Variants in PRCP observed in about 807,000 individuals in gnomAD.
The protein encoded by PRCP is prolylcarboxypeptidase, also known as lysosomal Pro-X carboxypeptidase.
PRCP carries 46 observed loss-of-function variants against 54.2 expected under a neutral mutation model. The observed-to-expected ratio is 0.85, with a 90% CI of 0.67 to 1.09. The LOEUF is 1.09. Among genes scored for constraint, PRCP ranks in the 50% least tolerant of loss-of-function variants. The probability of loss-of-function intolerance (pLI) is 0.00; values close to 1 mark genes in which losing one functional copy is unlikely to be tolerated. For synonymous variants in PRCP, 240 were observed against 212.2 expected, an observed-to-expected ratio of 1.13 and a Z score of -1.14; for missense variants, 613 against 596.8, an observed-to-expected ratio of 1.03 and a Z score of -0.28.
At chr11:82,849,640 T>C (rs1858897869) in intron 5 of PRCP, among the ~76,000 whole-genome samples, 1 of 152,180 alleles carries the variant, frequency 6.6e-6, no homozygotes. Context: ...GAGGATGTTT[T>C]TGCTGGGTAG....
chr11:82,843,342 G>C (rs1246431703), intron 6 of PRCP: 1 of 150,528 alleles, frequency 6.6e-6, no homozygotes, highest in Admixed American at 6.6e-5. Flanking sequence ...TTTAAAAGGA[G>C]ATATTCACAT....
At chr11:82,882,803 T>C (rs1024195777) in intron 1 of PRCP, among the ~76,000 whole-genome samples, 11 of 151,910 alleles carry the variant, frequency 7.2e-5, no homozygotes, top group African/African-American at 2.2e-4. Flanking sequence ...CCGAGCCAGT[T>C]CTTAAAATAC....
Position 82,853,278 on chromosome 11 carries a change from C to T in PRCP, c.310G>A (p.Gly104Arg), listed in dbSNP as rs1228592578. ...TCCTCAGCCACATCCCACATGAACC[C>T]CTAAGAAGAGTTTACAAAATCACAG... ...GDIIWFCNNT[G>R]FMWDVAEELK... is the part of the protein sequence containing the mutation. The change falls in exon 3 of 9, where the codon GGG (glycine) becomes AGG (arginine). Residue 104 changes from glycine to arginine, a missense_variant and splice_region_variant. By Grantham distance (125) the Gly-to-Arg change is moderately radical. Transcript: ENST00000313010. 2 of 1,599,066 alleles carry T rather than the reference C, an allele frequency of 1.3e-6. No homozygotes were observed. The highest frequency in any genetic ancestry group is 1.7e-6 in the Non-Finnish European group (2 of 1,173,844).
intron 8 of PRCP, chr11:82,827,064 A>C (rs1342380870): frequency 1.3e-5 from 2 of 152,192 alleles, no homozygotes; most frequent in African/African-American, 4.8e-5. Context: ...TACCACTGGA[A>C]ATTACTTATA....
At chr11:82,882,659 C>T in intron 1 of PRCP, among the ~76,000 whole-genome samples, 1 of 150,374 alleles carries the variant, frequency 6.7e-6, no homozygotes. Context: ...CTACGCCCGG[C>T]TAATTTTTTG....
chr11:82,879,475 ATCC>A (rs1859694979), intron 1 of PRCP, among the ~76,000 whole-genome samples: 2 of 152,170 alleles, frequency 1.3e-5, no homozygotes, highest in South Asian at 4.1e-4. Flanking sequence ...GGGTTCAAAC[ATCC>A]TCCTTTAGCT....
chr11:82,829,174 G>A (rs1013873459), intron 8 of PRCP: 1 of 152,116 alleles, frequency 6.6e-6, no homozygotes, highest in African/African-American at 2.4e-5. Context: ...CAGGCAACTT[G>A]ATCCTGTTAA....
chr11:82,871,832 C>A (rs920067038), intron 1 of PRCP, among the ~76,000 whole-genome samples: 2 of 152,180 alleles, frequency 1.3e-5, no homozygotes, highest in African/African-American at 2.4e-5. Flanking sequence ...AATTAACATT[C>A]CCTCTTACAG....
intron 1 of PRCP, among the ~76,000 whole-genome samples, chr11:82,876,886 C>G (rs958402325): frequency 6.6e-6 from 1 of 152,166 alleles, no homozygotes; most frequent in African/African-American, 2.4e-5. Context: ...AACTGGATAA[C>G]AGGCAGAGGT....
At chr11:82,842,987 A>G (rs10898036) in intron 6 of PRCP, among the ~76,000 whole-genome samples, 54,298 of 152,098 alleles carry the variant, frequency 0.36, 10,476 homozygotes, top group African/African-American at 0.5. Flanking sequence ...GCCAGACCTC[A>G]GCACTATTCC....
At chr11:82,882,573 G>A (rs935985353) in intron 1 of PRCP, among the ~76,000 whole-genome samples, 2 of 142,508 alleles carry the variant, frequency 1.4e-5, no homozygotes, top group Admixed American at 7.1e-5. Flanking sequence ...TCGGCTCACT[G>A]CAAGCTCCGC....
intron 1 of PRCP, among the ~76,000 whole-genome samples, chr11:82,868,557 C>A (rs968798341): frequency 6.6e-6 from 1 of 151,758 alleles, no homozygotes; most frequent in Non-Finnish European, 1.5e-5. Flanking sequence ...GAGGGCTGCA[C>A]CAAGGAGGTA....
rs540452484 is a variant in PRCP, at chr11:82,829,992, G to A, written c.1275-4870C>T. 3.4e-4 allele frequency: 52 copies of A among 152,236 alleles called. 1 individual carries two copies. Among genetic ancestry groups the A allele is most frequent in the African/African-American group, 1.1e-3 (44 of 41,546 alleles). The allele number at this position is 152,236 out of a possible 1,614,324, so 9.4% of individuals were successfully genotyped here. ...CAATGAATTAATTCAGTAGATCTAC[G>A]TTGTACATTTTTACTAGCTGAATGA... On this transcript the variant is annotated intron_variant, in intron 8 of 8. Coordinates refer to ENST00000313010, the MANE Select transcript of PRCP (RefSeq NM_005040.4).
intron 1 of PRCP, among the ~76,000 whole-genome samples, chr11:82,878,681 G>A (rs185349661): frequency 5.3e-5 from 8 of 152,180 alleles, no homozygotes; most frequent in African/African-American, 1.4e-4. Flanking sequence ...GGCTAGTACC[G>A]GTTGTTCCTT....
At chr11:82,846,915 T>G (rs1468794569) in intron 6 of PRCP, among the ~76,000 whole-genome samples, 1 of 152,230 alleles carries the variant, frequency 6.6e-6, no homozygotes, top group East Asian at 1.9e-4. Context: ...TTTTTCTAGA[T>G]AAGTGGTTAG....
chr11:82,848,943 G>A lies in PRCP; in HGVS notation c.921+106C>T, dbSNP rs529943669. 27 of 1,167,048 alleles carry A rather than the reference G, an allele frequency of 2.3e-5. No homozygotes were observed. The East Asian group carries it at 4.0e-4, about 17-fold the overall frequency. The allele number at this position is 1,167,048 out of a possible 1,614,324, so 72.3% of individuals were successfully genotyped here. A position where few individuals can be genotyped will look rare whatever the true frequency, so the allele number is the denominator to read the frequency against. On this transcript the variant is annotated intron_variant, in intron 6 of 8. Coordinates refer to ENST00000313010, the MANE Select transcript of PRCP (RefSeq NM_005040.4). ...TTCCAGCTCAAGTTTGACAAACTCT[G>A]GAGCCCCTTTGTCACTGGGACTTTC... is the stretch of plus-strand genomic sequence containing the variant.
rs1219662174 is a variant in PRCP at position 82,836,911 on chromosome 11, T to C, written c.1274+1476A>G. ...TCTACAGACGGTAATAACCAACTTGTAATCAAAGGAAGATTCCCATAGAAA... is the reference window on the plus strand; with the variant it reads ...TCTACAGACGGTAATAACCAACTTGCAATCAAAGGAAGATTCCCATAGAAA... On this transcript the variant is annotated intron_variant, in intron 8 of 8. Transcript: ENST00000313010. 2.1e-5 allele frequency: 8 copies of C among 381,964 alleles called. No homozygotes were observed. The East Asian group carries it at 4.6e-4, about 22-fold the overall frequency. The allele number at this position is 381,964 out of a possible 1,614,324, so 23.7% of individuals were successfully genotyped here.
chr11:82,833,271 T>A (rs1370525837), intron 8 of PRCP, among the ~76,000 whole-genome samples: 1 of 152,146 alleles, frequency 6.6e-6, no homozygotes, highest in African/African-American at 2.4e-5. Flanking sequence ...TGATAAGCGG[T>A]ATTTACAGGT....
chr11:82,839,335 A>G lies in PRCP; in HGVS notation c.1012T>C (p.Ser338Pro), dbSNP rs1197440019. The change falls in exon 7 of 9, where the codon TCG becomes CCG. Residue 338 changes from serine (S) to proline (P), a missense_variant. Physicochemically the swap from Ser to Pro is moderately conservative, Grantham distance 74. Coordinates refer to ENST00000313010, the MANE Select transcript of PRCP (RefSeq NM_005040.4). ...ATATTCAGGCATTTCACCTGGCCCG[A>G]ATAATTGTAATATACATTCAGAGCT... ...FQALNVYYNY[S>P]GQVKCLNISE... 3 of 1,613,952 alleles carry G rather than the reference A, an allele frequency of 1.9e-6. No homozygotes were observed. The highest frequency in any genetic ancestry group is 1.7e-5 in the Admixed American group (1 of 60,004).
Sources: allele counts gnomAD v4.1 joint callset (sites outside exome capture counted in the v4.1 genomes callset), GRCh38; gene constraint gnomAD v4.1.1; transcripts MANE v1.5; gene names NCBI Gene and HGNC (gene_info 2026-07-23, HGNC 2026-07-21).